DGLUCY: variants seen among roughly 807,000 people sequenced by gnomAD.
The protein encoded by DGLUCY is D-glutamate cyclase.
A neutral mutation model predicts 58.5 loss-of-function variants in DGLUCY; 58 were observed. That is an observed-to-expected ratio of 0.99 (90% CI 0.80 to 1.23). The LOEUF (loss-of-function observed/expected upper bound fraction) is 1.23, where lower values mean the gene tolerates loss of function less well. Ranked by LOEUF, DGLUCY falls within the 50% of genes most tolerant of loss-of-function variation. The probability of loss-of-function intolerance (pLI) is 0.00; values close to 1 mark genes in which losing one functional copy is unlikely to be tolerated. For missense variants in DGLUCY, 779 were observed against 784.7 expected (o/e 0.99, Z 0.09); for synonymous variants, 325 against 314.1 (o/e 1.03, Z -0.37).
intron 1 of DGLUCY, among the ~76,000 whole-genome samples, chr14:91,095,905 G>T (rs1310095864): frequency 1.3e-5 from 2 of 152,108 alleles, no homozygotes. Context: ...CGCATGCAGA[G>T]TCCAGCCCCT....
chr14:91,091,931 T>TG (rs1450828521), intron 1 of DGLUCY, among the ~76,000 whole-genome samples: 1 of 152,168 alleles, frequency 6.6e-6, no homozygotes, highest in Non-Finnish European at 1.5e-5. Flanking sequence ...CAGTCATCCT[T>TG]GCACCTCTAG....
At chr14:91,137,466 A>C (rs1372356662) in intron 1 of DGLUCY, among the ~76,000 whole-genome samples, 1 of 150,696 alleles carries the variant, frequency 6.6e-6, no homozygotes, top group African/African-American at 2.4e-5. Context: ...GCTCACTGCA[A>C]CCTCCACCTT....
chr14:91,120,645 A>C (rs1182026581), intron 1 of DGLUCY, among the ~76,000 whole-genome samples: 1 of 152,176 alleles, frequency 6.6e-6, no homozygotes, highest in Non-Finnish European at 1.5e-5. Context: ...CTCTGTCCTC[A>C]GGTGAGCCAC....
chr14:91,193,843 GAAAAAAAA>G (rs76724762), intron 9 of DGLUCY, among the ~76,000 whole-genome samples: 13 of 102,460 alleles, frequency 1.3e-4, no homozygotes, highest in Non-Finnish European at 1.7e-4. Context: ...TTCCATCTTA[GAAAAAAAA>G]AAAAAAAAAA....
chr14:91,126,554 T>A (rs907006652), intron 1 of DGLUCY: 14 of 219,360 alleles, frequency 6.4e-5, no homozygotes, highest in Middle Eastern at 5.0e-4. Flanking sequence ...CCCTACACAT[T>A]GAAAAAACAA....
rs772005952 is a variant in DGLUCY at position 91,224,870 on chromosome 14, G to A, written c.*37G>A. 19 of 1,553,230 alleles carry A rather than the reference G, an allele frequency of 1.2e-5. No individual in the cohort carries two copies. Among genetic ancestry groups the A allele is most frequent in the Non-Finnish European group, 1.7e-5 (19 of 1,139,866 alleles). ...CCGTGTGAGCAGAGTCCCTACCAACGGGCAGGTCTGCATCCGGGGAGAATG... is the reference window on the plus strand; with the variant it reads ...CCGTGTGAGCAGAGTCCCTACCAACAGGCAGGTCTGCATCCGGGGAGAATG... On this transcript the variant is annotated 3_prime_UTR_variant, in exon 14 of 14. Coordinates refer to ENST00000256324, the MANE Select transcript of DGLUCY (RefSeq NM_001102368.3).
At position 91,175,808 on chromosome 14, in the gene DGLUCY, C is replaced by T. The variant is rs559595227; in HGVS notation, c.608-126C>T. ...TCCCTATTCTCCTTCACCTCTTCCT[C>T]AAATACCATTTACAATAATCCTGCA... is the stretch of plus-strand genomic sequence containing the variant. On this transcript the variant is annotated intron_variant, in intron 6 of 13. Coordinates refer to ENST00000256324, the MANE Select transcript of DGLUCY (RefSeq NM_001102368.3). 5.2e-6 allele frequency: 6 copies of T among 1,143,116 alleles called. No homozygotes were observed. The South Asian group carries it at 5.6e-5, about 11-fold the overall frequency. 70.8% of individuals were successfully genotyped at this position (1,143,116 alleles called of 1,614,324 possible).
intron 1 of DGLUCY, among the ~76,000 whole-genome samples, chr14:91,068,717 C>T (rs1444097943): frequency 6.6e-6 from 1 of 152,144 alleles, no homozygotes; most frequent in Non-Finnish European, 1.5e-5. Flanking sequence ...CTCCCTCTCT[C>T]CTCCCTTGGA....
intron 1 of DGLUCY, among the ~76,000 whole-genome samples, chr14:91,149,556 C>T (rs1230310416): frequency 1.3e-5 from 2 of 152,144 alleles, no homozygotes; most frequent in Non-Finnish European, 2.9e-5. Context: ...ACCATGGAAC[C>T]GATGACTCAG....
chr14:91,128,694 AT>A (rs899337681), intron 1 of DGLUCY: 11 of 151,386 alleles, frequency 7.3e-5, no homozygotes, highest in African/African-American at 2.7e-4. Context: ...TTTTAATGGG[AT>A]TTCAGGCTGA....
At chr14:91,097,690 T>C (rs2044418104) in intron 1 of DGLUCY, among the ~76,000 whole-genome samples, 1 of 151,022 alleles carries the variant, frequency 6.6e-6, no homozygotes. Context: ...TTTTTTTTTT[T>C]GAGACGGAGT....
At chr14:91,201,378 A>C (rs927521149) in intron 11 of DGLUCY, among the ~76,000 whole-genome samples, 1 of 151,500 alleles carries the variant, frequency 6.6e-6, no homozygotes, top group Admixed American at 6.6e-5. Context: ...GGCTCACTGC[A>C]ACCTCCGCCT....
Position 91,189,050 on chromosome 14 carries a change from C to G in DGLUCY, c.1075C>G (p.Pro359Ala), listed in dbSNP as rs745813383. 6.2e-7 allele frequency: 1 copy of G among 1,614,166 alleles called. No individual in the cohort carries two copies. Among genetic ancestry groups the G allele is most frequent in the Non-Finnish European group, 8.5e-7 (1 of 1,180,042 alleles). Residue 359 changes from proline to alanine, a missense_variant, in exon 9 of 14, where the codon CCA becomes GCA. Coordinates refer to ENST00000256324, the MANE Select transcript of DGLUCY (RefSeq NM_001102368.3). ...NHEPPEETDG[P>A]PGAVALVAFL... ...TGAGCCTCCAGAAGAGACAGATGGC[C>G]CACCAGGAGCTGTTGCTCTGGTTGC...
chr14:91,198,661 T>G (rs1270027892), intron 10 of DGLUCY, among the ~76,000 whole-genome samples: 1 of 152,178 alleles, frequency 6.6e-6, no homozygotes, highest in Non-Finnish European at 1.5e-5. Flanking sequence ...TGTTCTTAAA[T>G]TGGATTGTCA....
intron 1 of DGLUCY, among the ~76,000 whole-genome samples, chr14:91,127,034 G>A (rs1424093311): frequency 6.8e-6 from 1 of 147,334 alleles, no homozygotes; most frequent in African/African-American, 2.5e-5. Flanking sequence ...ATTCTTCTCA[G>A]TCAGGCCTTG....
chr14:91,143,245 T>C (rs1322989853), intron 1 of DGLUCY, among the ~76,000 whole-genome samples: 6 of 151,340 alleles, frequency 4.0e-5, no homozygotes, highest in Non-Finnish European at 1.5e-5. Flanking sequence ...ACAGGCGCCC[T>C]CCACCACGCC....
chr14:91,215,793 G>A (rs1363479676), intron 13 of DGLUCY: 1 of 1,347,352 alleles, frequency 7.4e-7, no homozygotes, highest in South Asian at 1.5e-5. Context: ...TTTGACTTTG[G>A]GTGAGTTGCT....
chr14:91,102,736 A>AGTGTGTGTGTGTGTGTGTGTGTGT (rs1288611586), intron 1 of DGLUCY, among the ~76,000 whole-genome samples: 9 of 60,808 alleles, frequency 1.5e-4, no homozygotes, highest in South Asian at 1.2e-3. Context: ...GACCCCTTCC[A>AGTGTGTGTGTGTGTGTGTGTGTGT]GTGTGTATGT....
intron 1 of DGLUCY, among the ~76,000 whole-genome samples, chr14:91,076,079 C>T (rs1296112523): frequency 1.3e-5 from 2 of 151,004 alleles, no homozygotes; most frequent in Non-Finnish European, 1.5e-5. Context: ...TGCCACTGCA[C>T]TCCAGCCTGG....
Sources: gnomAD v4.1 joint callset for allele counts (sites outside exome capture counted in the v4.1 genomes callset) on GRCh38, gnomAD v4.1.1 for gene constraint, MANE v1.5 for transcripts, NCBI Gene and HGNC (gene_info 2026-07-23, HGNC 2026-07-21) for gene names.